The following UNC79 variants were observed in gnomAD, a reference collection of about 807,000 sequenced individuals.
UNC79 encodes the protein protein unc-79 homolog.
UNC79 carries 37 observed loss-of-function variants against 283.1 expected under a neutral mutation model. The ratio of observed to expected loss-of-function variants is 0.13; its 90% CI spans 0.10 to 0.17. The LOEUF (loss-of-function observed/expected upper bound fraction) is 0.17. Among genes scored for constraint, UNC79 ranks in the 10% least tolerant of loss-of-function variants. The pLI is 1.00. For synonymous variants in UNC79, 1,107 were observed against 1,200.2 expected, an observed-to-expected ratio of 0.92 and a Z score of 1.61; for missense variants, 2,272 against 3,211.1, an observed-to-expected ratio of 0.71 and a Z score of 7.07.
chr14:93,636,453 A>ATT (rs2068515909), intron 31 of UNC79, among the ~76,000 whole-genome samples: 2 of 152,128 alleles, frequency 1.3e-5, no homozygotes, highest in Non-Finnish European at 2.9e-5. Flanking sequence ...GTGTAGTACA[A>ATT]TGTTAGGTGG....
chr14:93,529,403 AT>A, intron 10 of UNC79, 77 bp downstream of exon 10: 1 of 1,505,546 alleles, frequency 6.6e-7, no homozygotes, highest in African/African-American at 1.4e-5. Context: ...CTTTTGTACT[AT>A]TTTATTTTAC....
At chr14:93,432,321 T>C (rs2055912225) in intron 1 of UNC79, among the ~76,000 whole-genome samples, 1 of 152,250 alleles carries the variant, frequency 6.6e-6, no homozygotes, top group South Asian at 2.1e-4. Flanking sequence ...TTATGTTTTT[T>C]TGGAATCCGG....
chr14:93,441,461 A>G (rs2056295840), intron 1 of UNC79, among the ~76,000 whole-genome samples: 1 of 151,972 alleles, frequency 6.6e-6, no homozygotes, highest in South Asian at 2.1e-4. Context: ...CCTCAGTTCT[A>G]TCATATTATT....
intron 1 of UNC79, among the ~76,000 whole-genome samples, chr14:93,345,741 A>G (rs192139153): frequency 3.3e-4 from 50 of 152,204 alleles, no homozygotes; most frequent in Admixed American, 2.3e-3. Flanking sequence ...CAAAGAAAAC[A>G]GAGAAGCAAA....
At chr14:93,582,427 AC>A in intron 20 of UNC79, 83 bp downstream of exon 20, 1 of 1,552,620 alleles carries the variant, frequency 6.4e-7, no homozygotes, top group Non-Finnish European at 8.7e-7. Flanking sequence ...TTTAATATCG[AC>A]TTGGGCAAAT....
Position 93,662,732 on chromosome 14 carries a change from TGTGTGTTCCTGTGAAA to T in UNC79, c.6636+19_6636+34del. 1.3e-6 allele frequency: 2 copies of T among 1,558,494 alleles called. No individual in the cohort carries two copies. The highest frequency in any genetic ancestry group is 1.8e-6 in the Non-Finnish European group (2 of 1,140,242). ...TCACTAAGGTAAGCAAGCTTCCATA[TGTGTGTTCCTGTGAAA>T]CTGAAAACTGGCAGAAATATATTCT... On this transcript the variant is annotated intron_variant, in intron 40 of 48. Coordinates refer to ENST00000555664, the Ensembl canonical transcript of UNC79.
At chr14:93,589,359 A>G (rs566153037) in intron 22 of UNC79, among the ~76,000 whole-genome samples, 1 of 152,212 alleles carries the variant, frequency 6.6e-6, no homozygotes, top group East Asian at 1.9e-4. Context: ...TTGAAAGCAG[A>G]TGAAGCCAGA....
At chr14:93,465,152 AT>A (rs2057120782) in intron 1 of UNC79, among the ~76,000 whole-genome samples, 1 of 151,950 alleles carries the variant, frequency 6.6e-6, no homozygotes, top group African/African-American at 2.4e-5. Context: ...TCAACAATTT[AT>A]TGAGTACCTA....
chr14:93,341,980 T>G (rs897306051), intron 1 of UNC79, among the ~76,000 whole-genome samples: 1 of 152,212 alleles, frequency 6.6e-6, no homozygotes, highest in African/African-American at 2.4e-5. Context: ...GTTGAGTGCC[T>G]GTGGCTTTTC....
intron 1 of UNC79, among the ~76,000 whole-genome samples, chr14:93,457,455 G>A (rs1449840530): frequency 6.6e-6 from 1 of 152,216 alleles, no homozygotes; most frequent in African/African-American, 2.4e-5. Flanking sequence ...GAACTCTTAG[G>A]AGTTAGCCAG....
intron 22 of UNC79, among the ~76,000 whole-genome samples, chr14:93,588,434 T>A (rs147259392): frequency 1.4e-3 from 212 of 152,026 alleles, no homozygotes; most frequent in African/African-American, 5.0e-3. Flanking sequence ...ACATTAAGGA[T>A]TTTTAGGATA....
At chr14:93,367,437 T>C (rs935987347) in intron 1 of UNC79, among the ~76,000 whole-genome samples, 1 of 152,240 alleles carries the variant, frequency 6.6e-6, no homozygotes, top group Non-Finnish European at 1.5e-5. Context: ...GCCAATGAAA[T>C]TGTGTTCCTT....
At chr14:93,454,072 G>A (rs1218078430) in intron 1 of UNC79, among the ~76,000 whole-genome samples, 2 of 145,632 alleles carry the variant, frequency 1.4e-5, no homozygotes, top group Non-Finnish European at 3.0e-5. Context: ...TTGAGTCAGG[G>A]TCTCGCTGTG....
chr14:93,375,520 A>G (rs2054537641), intron 1 of UNC79, among the ~76,000 whole-genome samples: 1 of 152,196 alleles, frequency 6.6e-6, no homozygotes, highest in Non-Finnish European at 1.5e-5. Flanking sequence ...GTAAAGAAAT[A>G]CCTGAGACTG....
chr14:93,605,250 G>A (rs117730944), intron 26 of UNC79, among the ~76,000 whole-genome samples: 107 of 152,142 alleles, frequency 7.0e-4, no homozygotes, highest in Non-Finnish European at 1.4e-3. Flanking sequence ...GCTATCCATA[G>A]TATTTATATT....
chr14:93,532,601 G>C (rs200844587), intron 11 of UNC79, 23 bp downstream of exon 11: 2 of 1,609,300 alleles, frequency 1.2e-6, no homozygotes, highest in Non-Finnish European at 1.7e-6. Flanking sequence ...CATTTGTGTC[G>C]TTGGGGCATG....
intron 2 of UNC79, among the ~76,000 whole-genome samples, chr14:93,468,654 C>T (rs191008248): frequency 1.3e-5 from 2 of 152,278 alleles, no homozygotes; most frequent in African/African-American, 4.8e-5. Context: ...TTCTAGCAGT[C>T]GAAAGCTTTG....
At chr14:93,701,151 A>T (rs943966072) in intron 47 of UNC79, among the ~76,000 whole-genome samples, 1 of 152,166 alleles carries the variant, frequency 6.6e-6, no homozygotes, top group Non-Finnish European at 1.5e-5. Flanking sequence ...TACTGCCTGA[A>T]AACTCTCTCT....
chr14:93,611,819 A>G (rs567930430), intron 26 of UNC79, among the ~76,000 whole-genome samples: 8 of 152,204 alleles, frequency 5.3e-5, no homozygotes, highest in Admixed American at 1.3e-4. Context: ...TTTGTTTTCA[A>G]TTTAGAAATT....
Sources: gnomAD v4.1 joint callset for allele counts (sites outside exome capture counted in the v4.1 genomes callset) on GRCh38, gnomAD v4.1.1 for gene constraint, MANE v1.5 for transcripts, NCBI Gene and HGNC (gene_info 2026-07-23, HGNC 2026-07-21) for gene names.